ATM: variants seen among roughly 807,000 people sequenced by gnomAD.
ATM encodes serine-protein kinase ATM.
In ATM, 308 loss-of-function variants were observed where a neutral mutation model predicts 387.0. That is an observed-to-expected ratio of 0.80 (90% CI 0.73 to 0.87). The LOEUF is 0.87. ATM is among the 40% of genes least tolerant of loss of function. The pLI is 0.00. For missense variants in ATM, 3,312 were observed against 3,560.9 expected, an observed-to-expected ratio of 0.93 and a Z score of 1.78; for synonymous variants, 1,156 against 1,187.3, an observed-to-expected ratio of 0.97 and a Z score of 0.54.
intron 32 of ATM, 71 bp from the exon 33 acceptor site, chr11:108,297,216 A>G (rs2083169130): frequency 7.9e-7 from 1 of 1,259,308 alleles, no homozygotes; most frequent in Admixed American, 1.8e-5. Context: ...ATAATTTAAT[A>G]TATATGCAAT....
chr11:108,328,345 C>G (rs2085899984), intron 48 of ATM, among the ~76,000 whole-genome samples: 1 of 152,200 alleles, frequency 6.6e-6, no homozygotes, highest in South Asian at 2.1e-4. Context: ...CTCCTGGGTT[C>G]AAGCGATTCT....
At chr11:108,262,585 A>G (rs1317330754) in intron 16 of ATM, among the ~76,000 whole-genome samples, 2 of 152,246 alleles carry the variant, frequency 1.3e-5, no homozygotes, top group Non-Finnish European at 2.9e-5. Flanking sequence ...CTAATGAGCA[A>G]AATAACCAGC....
In ATM at chr11:108,251,842, C is replaced by T. The variant is rs1565385040; in HGVS notation, c.1613C>T (p.Ala538Val). The T allele has an allele frequency of 6.2e-7, 1 of 1,613,572 alleles. No homozygotes were observed. Among genetic ancestry groups the T allele is most frequent in the African/African-American group, 1.3e-5 (1 of 74,894 alleles). Reference sequence around the variant, plus strand: ...TGTCCTTTGTTTTGTTATAGTCCTGCAGTATGCTGTTTGACTTTGGCACTG... The same window carrying T: ...TGTCCTTTGTTTTGTTATAGTCCTGTAGTATGCTGTTTGACTTTGGCACTG... ...TGSACRPSCP[A>V]VCCLTLALTT... The change falls in exon 11 of 63, where the codon GCA (alanine) becomes GTA (valine). Residue 538 changes from alanine to valine, a missense_variant. Transcript: ENST00000675843.
chr11:108,228,102 A>C (rs888564156), intron 3 of ATM, among the ~76,000 whole-genome samples: 2 of 152,166 alleles, frequency 1.3e-5, no homozygotes, highest in Non-Finnish European at 2.9e-5. Flanking sequence ...TATTTCTTCA[A>C]TAAAATGTTT....
In ATM at chr11:108,319,829, GA is replaced by G. The variant is rs1434943886; in HGVS notation, c.6348-122del. On this transcript the variant is annotated intron_variant, in intron 43 of 62. Transcript: ENST00000675843. ...TTTGTATTTCTTACCAAAAATTCTA[GA>G]AATGCATTTTTTAGAATGGAGAAAT... 5.8e-6 allele frequency: 4 copies of G among 691,164 alleles called. No homozygotes were observed. In the African/African-American group the frequency reaches 7.3e-5, roughly 13 times the overall value. 42.8% of individuals were successfully genotyped at this position (691,164 alleles called of 1,614,324 possible).
At chr11:108,313,821 A>G (rs576709238) in intron 40 of ATM, among the ~76,000 whole-genome samples, 1 of 152,208 alleles carries the variant, frequency 6.6e-6, no homozygotes, top group African/African-American at 2.4e-5. Flanking sequence ...AGCACCATAT[A>G]GGCAGTTCAA....
intron 22 of ATM, among the ~76,000 whole-genome samples, chr11:108,277,873 A>G (rs752232392): frequency 6.6e-6 from 1 of 152,196 alleles, no homozygotes; most frequent in Non-Finnish European, 1.5e-5. Flanking sequence ...ATTTATGATA[A>G]CGTGAAACAT....
intron 29 of ATM, among the ~76,000 whole-genome samples, chr11:108,290,902 T>C (rs1351297111): frequency 6.6e-6 from 1 of 151,978 alleles, no homozygotes; most frequent in African/African-American, 2.4e-5. Context: ...AATACTAATA[T>C]TCTAGCTATT....
intron 17 of ATM, among the ~76,000 whole-genome samples, chr11:108,267,921 A>C (rs1288991989): frequency 1.3e-5 from 2 of 152,224 alleles, no homozygotes; most frequent in African/African-American, 4.8e-5. Context: ...ATGAAAACAC[A>C]CCTGTAATGC....
chr11:108,354,407 T>C (rs2089626102), intron 60 of ATM, among the ~76,000 whole-genome samples: 1 of 152,226 alleles, frequency 6.6e-6, no homozygotes, highest in Non-Finnish European at 1.5e-5. Flanking sequence ...GCTTGTGTTC[T>C]AGTATAACAT....
In ATM at chr11:108,289,803, T is replaced by C. The variant is rs1555097898; in HGVS notation, c.4436+2T>C. ...TTTGATTCACTATATCAACCAAAGG[T>C]AAATAACATATTTAGACCAATATAT... On this transcript the variant is annotated splice_donor_variant, in intron 29 of 62. Coordinates refer to ENST00000675843, the MANE Select transcript of ATM (RefSeq NM_000051.4). LOFTEE classifies it high-confidence loss of function. 8 of 1,610,902 alleles carry C rather than the reference T, an allele frequency of 5.0e-6. No individual in the cohort carries two copies. Among genetic ancestry groups the C allele is most frequent in the Non-Finnish European group, 6.8e-6 (8 of 1,178,460 alleles).
At chr11:108,260,926 C>A (rs1302655003) in intron 16 of ATM, among the ~76,000 whole-genome samples, 1 of 152,206 alleles carries the variant, frequency 6.6e-6, no homozygotes, top group Non-Finnish European at 1.5e-5. Flanking sequence ...TGCTCTTTTG[C>A]GACGGGCTTA....
At position 108,365,063 on chromosome 11, in the gene ATM, A is replaced by G. The variant is rs772496794; in HGVS notation, c.8851-19A>G. 22 of 1,612,908 alleles carry G rather than the reference A, an allele frequency of 1.4e-5. 1 individual carries two copies. The South Asian group carries it at 2.2e-4, about 16-fold the overall frequency. ...AAAATGTACATTGTTCTTTTAATAC[A>G]TATGTTCTCTCTGTTTAGGTCCTTC... On this transcript the variant is annotated intron_variant, in intron 61 of 62. Transcript: ENST00000675843.
intron 33 of ATM, among the ~76,000 whole-genome samples, chr11:108,299,310 TC>T (rs2083288380): frequency 8.7e-6 from 1 of 115,196 alleles, no homozygotes; most frequent in African/African-American, 3.1e-5. Flanking sequence ...GTTGATTCTC[TC>T]TCTCTTTTTT....
intron 43 of ATM, among the ~76,000 whole-genome samples, chr11:108,319,437 G>A (rs1368300562): frequency 1.3e-5 from 2 of 152,038 alleles, no homozygotes; most frequent in East Asian, 1.9e-4. Context: ...GTTACCATGC[G>A]GGTGGCTTCT....
intron 59 of ATM, among the ~76,000 whole-genome samples, chr11:108,349,984 A>G (rs1196390407): frequency 6.6e-6 from 1 of 152,140 alleles, no homozygotes; most frequent in Non-Finnish European, 1.5e-5. Context: ...TATATTTGCT[A>G]TTGTGTTTTT....
At chr11:108,266,485 T>G (rs1555081548) in intron 16 of ATM, among the ~76,000 whole-genome samples, 1 of 100,636 alleles carries the variant, frequency 9.9e-6, no homozygotes, top group Non-Finnish European at 1.9e-5. Flanking sequence ...TGGACTGTTG[T>G]GGGGTGGGGG....
At chr11:108,317,264 T>C in intron 42 of ATM, 109 bp from the exon 43 acceptor site, 1 of 1,194,034 alleles carries the variant, frequency 8.4e-7, no homozygotes, top group Non-Finnish European at 1.2e-6. Flanking sequence ...TAAATGATAT[T>C]GTGAACTAAA....
chr11:108,292,458 C>T (rs1053096409), intron 29 of ATM, among the ~76,000 whole-genome samples, 161 bp from the exon 30 acceptor site: 1 of 152,164 alleles, frequency 6.6e-6, no homozygotes, highest in African/African-American at 2.4e-5. Context: ...CTGCATTTTG[C>T]TGATGTGACT....
Sources: gnomAD v4.1 joint callset for allele counts (sites outside exome capture counted in the v4.1 genomes callset) on GRCh38, gnomAD v4.1.1 for gene constraint, MANE v1.5 for transcripts, NCBI Gene and HGNC (gene_info 2026-07-23, HGNC 2026-07-21) for gene names.